The following ZNF276 variants were observed in gnomAD, a reference collection of about 807,000 sequenced individuals.
ZNF276 encodes the protein zinc finger protein 276.
In ZNF276, 59 loss-of-function variants were observed where a neutral mutation model predicts 63.9. The observed-to-expected ratio is 0.92, with a 90% CI of 0.75 to 1.15. ZNF276 has a LOEUF of 1.15. Ranked by LOEUF, ZNF276 falls within the 50% of genes most tolerant of loss-of-function variation. ZNF276 has a pLI of 0.00. For synonymous variants in ZNF276, 496 were observed against 348.4 expected (o/e 1.42, Z -4.72); for missense variants, 1,084 against 843.8 (o/e 1.28, Z -3.53).
At chr16:89,734,874 C>T (rs964497924) in intron 9 of ZNF276, among the ~76,000 whole-genome samples, 5 of 152,090 alleles carry the variant, frequency 3.3e-5, no homozygotes, top group Non-Finnish European at 7.3e-5. Context: ...AAATGACAAA[C>T]TTGGCCGGGC....
In ZNF276 at chr16:89,733,469, C is replaced by T; in HGVS notation, c.1281-13C>T. 2.5e-6 allele frequency: 4 copies of T among 1,614,174 alleles called. No individual in the cohort carries two copies. Among genetic ancestry groups the T allele is most frequent in the Non-Finnish European group, 3.4e-6 (4 of 1,180,008 alleles). On this transcript the variant is annotated splice_polypyrimidine_tract_variant and intron_variant, in intron 7 of 10. Transcript: ENST00000443381. Reference sequence around the variant, plus strand: ...TGTCGGGGCCGGGGCTCCATGCATGCTCTTCATTGCAGGGAGGAGCTTCCC... The same window carrying T: ...TGTCGGGGCCGGGGCTCCATGCATGTTCTTCATTGCAGGGAGGAGCTTCCC...
chr16:89,737,257 C>T (rs1172272145), intron 9 of ZNF276, among the ~76,000 whole-genome samples: 2 of 152,184 alleles, frequency 1.3e-5, no homozygotes, highest in Non-Finnish European at 2.9e-5. Flanking sequence ...CACGGTGGCT[C>T]ACACATGTAA....
intron 5 of ZNF276, among the ~76,000 whole-genome samples, chr16:89,727,692 G>C (rs1440116811): frequency 2.6e-5 from 4 of 152,214 alleles, no homozygotes; most frequent in Non-Finnish European, 5.9e-5. Flanking sequence ...AGCCTGATAG[G>C]GTTTCTGACC....
intron 6 of ZNF276, chr16:89,732,180 G>A (rs1242110731): frequency 6.6e-6 from 1 of 152,160 alleles, no homozygotes; most frequent in African/African-American, 2.4e-5. Flanking sequence ...TTAAGTCTCC[G>A]ATAGACGCAC....
upstream of ZNF276, chr16:89,721,269 C>T (rs899655018): frequency 4.2e-6 from 1 of 236,622 alleles, no homozygotes; most frequent in Middle Eastern, 1.3e-3. Context: ...GCGCCTCCGT[C>T]TCCCACGGTA....
Position 89,740,397 on chromosome 16 carries a change from T to C in ZNF276, c.*2151T>C, listed in dbSNP as rs556941655. The C allele has an allele frequency of 2.3e-5, 11 of 482,866 alleles. No individual in the cohort carries two copies. The East Asian group carries it at 3.7e-4, about 16-fold the overall frequency. 29.9% of individuals were successfully genotyped at this position (482,866 alleles called of 1,614,324 possible). On this transcript the variant is annotated 3_prime_UTR_variant, in exon 11 of 11. Coordinates refer to ENST00000443381, the MANE Select transcript of ZNF276 (RefSeq NM_001113525.2). ...GCTCATGCCTGTAATCCCAACACTT[T>C]GGGAGGCCGAGGTCGGCGGATCACT...
chr16:89,732,907 C>G (rs2061713190), intron 6 of ZNF276: 3 of 302,870 alleles, frequency 9.9e-6, no homozygotes, highest in African/African-American at 4.6e-5. Context: ...CCCTCGCCCT[C>G]TGCTGTGTTC....
chr16:89,720,721 G>A (rs1397192844), upstream of ZNF276: 4 of 1,411,838 alleles, frequency 2.8e-6, no homozygotes, highest in Non-Finnish European at 3.7e-6. Context: ...TCCCTCCAGG[G>A]GCCACCCTCA....
rs536628551 is a variant in ZNF276, at chr16:89,721,886, A to G, written c.205+41A>G. On this transcript the variant is annotated intron_variant, in intron 1 of 10. Transcript: ENST00000443381. The stretch of plus-strand genomic sequence containing the variant: ...GGGCGTGGCGGGTTGGGGTCGCGGC[A>G]GGGGTTGCTCGTGGGAGGAGCCGCA... 2.6e-4 allele frequency: 310 copies of G among 1,178,976 alleles called. 1 individual carries two copies. In the South Asian group the frequency reaches 0.012, roughly 46 times the overall value. 73.0% of individuals were successfully genotyped at this position (1,178,976 alleles called of 1,614,324 possible).
chr16:89,740,894 T>G lies in ZNF276; in HGVS notation c.*2648T>G, dbSNP rs760793512. ...GTAAATAAAAACGTGCACTTATTATTACATTAAAATTACCTGTGCTGTCAT... is the reference window on the plus strand; with the variant it reads ...GTAAATAAAAACGTGCACTTATTATGACATTAAAATTACCTGTGCTGTCAT... On this transcript the variant is annotated 3_prime_UTR_variant, in exon 11 of 11. Coordinates refer to ENST00000443381, the MANE Select transcript of ZNF276 (RefSeq NM_001113525.2). The G allele has an allele frequency of 1.1e-5, 17 of 1,578,954 alleles. 1 individual carries two copies. The South Asian group carries it at 1.9e-4, about 18-fold the overall frequency.
In ZNF276 at chr16:89,723,225, G is replaced by T. The variant is rs192454576; in HGVS notation, c.557-35G>T. ...TGGAGGGTGGGCTGGGTGCCGACCA[G>T]CCGTGGATCTGACATCTCTGTTGAC... On this transcript the variant is annotated intron_variant, in intron 3 of 10. Transcript: ENST00000443381. 6.6e-5 allele frequency: 106 copies of T among 1,613,252 alleles called. No individual in the cohort carries two copies. The African/African-American group carries it at 7.7e-4, about 12-fold the overall frequency.
chr16:89,734,612 C>G (rs1170102576), intron 9 of ZNF276, among the ~76,000 whole-genome samples: 4 of 151,532 alleles, frequency 2.6e-5, no homozygotes, highest in African/African-American at 9.8e-5. Context: ...AGCACTGCAC[C>G]TGGCCCAAAC....
In ZNF276 at chr16:89,732,774, AC is replaced by A. The variant is rs1440201042; in HGVS notation, c.1170-525del. 1.7e-5 allele frequency: 3 copies of A among 171,744 alleles called. 1 individual carries two copies. The highest frequency in any genetic ancestry group is 1.2e-4 in the South Asian group (2 of 17,118). 10.6% of individuals were successfully genotyped at this position (171,744 alleles called of 1,614,324 possible). ...CATGCCCTCGCCCTCTGCTGTGTTC[AC>A]CCTGACCCTGCTGTACCCTGCGCCC... is the stretch of plus-strand genomic sequence containing the variant. On this transcript the variant is annotated intron_variant, in intron 6 of 10. Transcript: ENST00000443381.
At position 89,739,029 on chromosome 16, in the gene ZNF276, G is replaced by A; in HGVS notation, c.*783G>A. The A allele has an allele frequency of 1.2e-6, 2 of 1,614,118 alleles. No individual in the cohort carries two copies. The highest frequency in any genetic ancestry group is 1.7e-6 in the Non-Finnish European group (2 of 1,179,956). The stretch of plus-strand genomic sequence containing the variant: ...TAGAAGACATACAGAAACAGGGCTG[G>A]TGTGTCCCCCATAGTCTGCATGCTG... On this transcript the variant is annotated 3_prime_UTR_variant, in exon 11 of 11. Transcript: ENST00000443381.
In ZNF276 at chr16:89,740,493, G is replaced by C. The variant is rs1337641350; in HGVS notation, c.*2247G>C. On this transcript the variant is annotated 3_prime_UTR_variant, in exon 11 of 11. Transcript: ENST00000443381. ...CTACTAAAAATACAAAAATTAGCCGGGTGTGACAGACTCACGCCTGTAATC... is the reference window on the plus strand; with the variant it reads ...CTACTAAAAATACAAAAATTAGCCGCGTGTGACAGACTCACGCCTGTAATC... The C allele has an allele frequency of 1.0e-5, 5 of 476,640 alleles. No individual in the cohort carries two copies. The highest frequency in any genetic ancestry group is 9.7e-5 in the African/African-American group (5 of 51,434). The allele number at this position is 476,640 out of a possible 1,614,324, so 29.5% of individuals were successfully genotyped here.
Position 89,734,047 on chromosome 16 carries a change from A to G in ZNF276, c.1474+9A>G, listed in dbSNP as rs1474458892. 1.9e-6 allele frequency: 3 copies of G among 1,612,624 alleles called. No individual in the cohort carries two copies. The highest frequency in any genetic ancestry group is 1.6e-4 in the Middle Eastern group (1 of 6,082). On this transcript the variant is annotated intron_variant, in intron 9 of 10. Transcript: ENST00000443381. Reference sequence around the variant, plus strand: ...GAAGCTCATCCACACAGGTACGCCTATCGCCAGTGTCGCCCACGCGGGTGA... The same window carrying G: ...GAAGCTCATCCACACAGGTACGCCTGTCGCCAGTGTCGCCCACGCGGGTGA...
rs756238194 is a variant in ZNF276 at position 89,723,698 on chromosome 16, G to C, written c.995G>C (p.Cys332Ser). Residue 332 changes from cysteine (C) to serine (S), a missense_variant, in exon 4 of 11, where the codon TGC (cysteine) becomes TCC (serine). Transcript: ENST00000443381. ...CCACCTCAGCCAAGCCTGCCCCTTT[G>C]CAGGGCCCCAGGTAGGAGGCACCTC... ...GFPPQPSLPL[C>S]RAPGQLGEKQ... The C allele has an allele frequency of 2.5e-6, 4 of 1,609,526 alleles. No individual in the cohort carries two copies. The Admixed American group carries it at 6.7e-5, about 27-fold the overall frequency.
At chr16:89,733,848 G>A in intron 8 of ZNF276, 73 bp from the exon 9 acceptor site, 1 of 1,431,568 alleles carries the variant, frequency 7.0e-7, no homozygotes, top group Non-Finnish European at 9.8e-7. Flanking sequence ...GGCCTCAGCT[G>A]TCACCTACTG....
At chr16:89,727,243 G>C (rs376107837) in intron 4 of ZNF276, 36 bp from the exon 5 acceptor site, 10 of 1,599,678 alleles carry the variant, frequency 6.3e-6, no homozygotes, top group South Asian at 2.2e-5. Context: ...TCTGTGCTCC[G>C]TGTTGGTAAC....
Sources: gnomAD v4.1 joint callset for allele counts (sites outside exome capture counted in the v4.1 genomes callset) on GRCh38, gnomAD v4.1.1 for gene constraint, MANE v1.5 for transcripts, NCBI Gene and HGNC (gene_info 2026-07-23, HGNC 2026-07-21) for gene names.